TIPRL: variants seen among roughly 807,000 people sequenced by gnomAD.
The protein encoded by TIPRL is TIP41-like protein.
Under a neutral mutation model 32.3 loss-of-function variants are expected in TIPRL, and 10 were observed. The observed-to-expected ratio is 0.31, with a 90% CI of 0.19 to 0.52. TIPRL has a LOEUF of 0.52. Among genes scored for constraint, TIPRL ranks in the 20% least tolerant of loss-of-function variants. TIPRL has a pLI of 0.96. For synonymous variants in TIPRL, 100 were observed against 114.0 expected (o/e 0.88, Z 0.78); for missense variants, 250 against 328.1 (o/e 0.76, Z 1.84).
intron 3 of TIPRL, among the ~76,000 whole-genome samples, chr1:168,189,010 C>T (rs1409300553): frequency 6.6e-6 from 1 of 151,674 alleles, no homozygotes; most frequent in Non-Finnish European, 1.5e-5. Context: ...TCTGAAATCA[C>T]TATAGCTCTT....
intron 3 of TIPRL, among the ~76,000 whole-genome samples, chr1:168,189,996 A>G (rs1423748323): frequency 1.3e-5 from 2 of 152,264 alleles, no homozygotes; most frequent in Non-Finnish European, 2.9e-5. Flanking sequence ...AGGAGTATCT[A>G]TAAGGAGGAT....
chr1:168,183,785 A>T, intron 1 of TIPRL, 117 bp from the exon 2 acceptor site: 2 of 1,047,608 alleles, frequency 1.9e-6, no homozygotes, highest in African/African-American at 1.6e-5. Flanking sequence ...CATATTGATT[A>T]AATCATGTGC....
At chr1:168,184,758 C>T in intron 2 of TIPRL, 21 bp from the exon 3 acceptor site, 1 of 1,493,286 alleles carries the variant, frequency 6.7e-7, no homozygotes, top group Non-Finnish European at 9.3e-7. Flanking sequence ...GAATCTGATC[C>T]TTCTCATTTT....
At chr1:168,190,324 T>TA (rs147741184) in intron 3 of TIPRL, among the ~76,000 whole-genome samples, 4,272 of 152,324 alleles carry the variant, frequency 0.028, 81 homozygotes, top group Middle Eastern at 0.071. Context: ...GACATTTTTT[T>TA]ACCTCCTGGA....
intron 1 of TIPRL, among the ~76,000 whole-genome samples, chr1:168,180,785 C>T (rs1699951389): frequency 6.7e-6 from 1 of 150,068 alleles, no homozygotes; most frequent in Non-Finnish European, 1.5e-5. Flanking sequence ...TTGAGTTTTT[C>T]CTCTCTATAT....
rs1162777925 is a variant in TIPRL at position 168,201,110 on chromosome 1, T to C, written c.*1064T>C. 6.6e-6 allele frequency: 1 copy of C among 152,170 alleles called. No homozygotes were observed. The highest frequency in any genetic ancestry group is 2.4e-5 in the African/African-American group (1 of 41,456). 9.4% of individuals were successfully genotyped at this position (152,170 alleles called of 1,614,324 possible). On this transcript the variant is annotated 3_prime_UTR_variant, in exon 7 of 7. Transcript: ENST00000367833. ...TAAATTTCAAATCCATTTGATTGTT[T>C]TCATAGTGACCCCTTAGTCATTTTA...
At chr1:168,189,981 G>A (rs1432235714) in intron 3 of TIPRL, among the ~76,000 whole-genome samples, 1 of 152,296 alleles carries the variant, frequency 6.6e-6, no homozygotes, top group Non-Finnish European at 1.5e-5. Flanking sequence ...AATTTTGGGG[G>A]ATTCAGGAGT....
intron 3 of TIPRL, among the ~76,000 whole-genome samples, chr1:168,190,867 C>T (rs938191157): frequency 1.3e-5 from 2 of 152,194 alleles, no homozygotes; most frequent in African/African-American, 4.8e-5. Context: ...AATTTCTCTA[C>T]AAGTTCTTGT....
In TIPRL at chr1:168,196,585, T is replaced by C. The variant is rs750548419; in HGVS notation, c.555T>C (p.Phe185=). 6.2e-7 allele frequency: 1 copy of C among 1,605,166 alleles called. No individual in the cohort carries two copies. Among genetic ancestry groups the C allele is most frequent in the Non-Finnish European group, 8.5e-7 (1 of 1,175,486 alleles). The part of the protein sequence containing the change: ...MPSSFFLLLR[F]FLRIDGVLIR... ...CTAGCTTTTTCCTGCTGTTGCGGTT[T>C]TTCTTGAGAATTGATGGGGTGCTTA... Residue 185 remains phenylalanine, a synonymous_variant, in exon 5 of 7, where the codon TTT becomes TTC. Coordinates refer to ENST00000367833, the MANE Select transcript of TIPRL (RefSeq NM_152902.5).
chr1:168,192,286 C>G, intron 4 of TIPRL: 1 of 1,209,218 alleles, frequency 8.3e-7, no homozygotes, highest in South Asian at 1.7e-5. Flanking sequence ...GCGGAGCTTG[C>G]AGTGAGCTGA....
intron 4 of TIPRL, among the ~76,000 whole-genome samples, chr1:168,196,005 A>G (rs562787454): frequency 3.9e-5 from 6 of 152,172 alleles, no homozygotes; most frequent in Non-Finnish European, 7.3e-5. Flanking sequence ...AAAGCAGAGG[A>G]ATTTGTAGAT....
Position 168,200,304 on chromosome 1 carries a change from C to T in TIPRL, c.*258C>T. 2.7e-6 allele frequency: 1 copy of T among 371,872 alleles called. No homozygotes were observed. The highest frequency in any genetic ancestry group is 5.4e-5 in the East Asian group (1 of 18,530). The allele number at this position is 371,872 out of a possible 1,614,324, so 23.0% of individuals were successfully genotyped here. On this transcript the variant is annotated 3_prime_UTR_variant, in exon 7 of 7. Coordinates refer to ENST00000367833, the MANE Select transcript of TIPRL (RefSeq NM_152902.5). ...TTTCTAAATTATCACAAAGTGGGAC[C>T]TCAGCAGTAGTGATGTGTGTGTCTC... is the stretch of plus-strand genomic sequence containing the variant.
chr1:168,184,222 A>G (rs1345607256), intron 2 of TIPRL, 141 bp downstream of exon 2: 16 of 849,246 alleles, frequency 1.9e-5, no homozygotes, highest in South Asian at 4.7e-5. Context: ...GAGTTGTATC[A>G]TTCTAGAATT....
chr1:168,194,212 G>T (rs546643144), intron 4 of TIPRL, among the ~76,000 whole-genome samples: 1 of 152,236 alleles, frequency 6.6e-6, no homozygotes, highest in African/African-American at 2.4e-5. Flanking sequence ...TGAATGCCTG[G>T]TAAGATACTG....
chr1:168,186,942 A>G (rs1200278446), intron 3 of TIPRL, among the ~76,000 whole-genome samples: 1 of 152,254 alleles, frequency 6.6e-6, no homozygotes, highest in Non-Finnish European at 1.5e-5. Flanking sequence ...TCTCATGAAG[A>G]TAAAAGTTCA....
intron 5 of TIPRL, among the ~76,000 whole-genome samples, chr1:168,197,140 C>G (rs577670113): frequency 3.2e-4 from 49 of 152,172 alleles, no homozygotes; most frequent in African/African-American, 1.1e-3. Context: ...ATGGTGAAAC[C>G]CTGTCTCTAC....
At position 168,196,449 on chromosome 1, in the gene TIPRL, G is replaced by GT. The variant is rs1448460966; in HGVS notation, c.517-91dup. 10 of 750,184 alleles carry GT rather than the reference G, an allele frequency of 1.3e-5. No homozygotes were observed. In the East Asian group the frequency reaches 1.8e-4, roughly 14 times the overall value. 46.5% of individuals were successfully genotyped at this position (750,184 alleles called of 1,614,324 possible). Reference sequence around the variant, plus strand: ...ACTGTGAATTCAGCCTTATTCCAGGGTTTTTTTGTTTTTTGTTTTCAAATT... The same window carrying GT: ...ACTGTGAATTCAGCCTTATTCCAGGGTTTTTTTTGTTTTTTGTTTTCAAATT... On this transcript the variant is annotated intron_variant, in intron 4 of 6. Coordinates refer to ENST00000367833, the MANE Select transcript of TIPRL (RefSeq NM_152902.5).
rs915383694 is a variant in TIPRL at position 168,191,295 on chromosome 1, G to T, written c.385-74G>T. 3.7e-6 allele frequency: 5 copies of T among 1,344,434 alleles called. No individual in the cohort carries two copies. In the East Asian group the frequency reaches 1.4e-4, roughly 37 times the overall value. The allele number at this position is 1,344,434 out of a possible 1,614,324, so 83.3% of individuals were successfully genotyped here. On this transcript the variant is annotated intron_variant, in intron 3 of 6. Transcript: ENST00000367833. The stretch of plus-strand genomic sequence containing the variant: ...AGACTGATTGAAAAAGAAAAGAAAA[G>T]ACTGCTTTCCTGTGTCTCTGTAGCT...
intron 4 of TIPRL, among the ~76,000 whole-genome samples, chr1:168,195,165 G>A (rs139545226): frequency 2.0e-5 from 3 of 152,300 alleles, no homozygotes; most frequent in Non-Finnish European, 2.9e-5. Context: ...GGGTTATCCT[G>A]TTATTTCTTC....
Sources: allele counts gnomAD v4.1 joint callset (sites outside exome capture counted in the v4.1 genomes callset), GRCh38; gene constraint gnomAD v4.1.1; transcripts MANE v1.5; gene names NCBI Gene and HGNC (gene_info 2026-07-23, HGNC 2026-07-21).